The following WNK1 variants were observed in gnomAD, a reference collection of about 807,000 sequenced individuals.
WNK1 encodes the protein serine/threonine-protein kinase WNK1.
A neutral mutation model predicts 222.8 loss-of-function variants in WNK1; 38 were observed. That is an observed-to-expected ratio of 0.17 (90% CI 0.13 to 0.22). WNK1 has a LOEUF of 0.22. WNK1 is among the 10% of genes least tolerant of loss of function. The pLI, the probability that WNK1 is intolerant of heterozygous loss-of-function variation, is 1.00. For synonymous variants in WNK1, 1,090 were observed against 1,092.9 expected, an observed-to-expected ratio of 1.00 and a Z score of 0.05; for missense variants, 2,348 against 2,918.4, an observed-to-expected ratio of 0.80 and a Z score of 4.50.
At chr12:886,138 C>A in intron 19 of WNK1, 54 bp downstream of exon 19, 1 of 1,431,780 alleles carries the variant, frequency 7.0e-7, no homozygotes, top group South Asian at 1.3e-5. Context: ...TTTTTTCTCC[C>A]TAATGAGTAC....
Position 879,914 on chromosome 12 carries a change from G to A in WNK1, c.2715G>A (p.Gln905=), listed in dbSNP as rs1443243895. 5.0e-6 allele frequency: 8 copies of A among 1,613,944 alleles called. No individual in the cohort carries two copies. Among genetic ancestry groups the A allele is most frequent in the African/African-American group, 4.0e-5 (3 of 74,912 alleles). ...CAACCCTTCTGCAGCCTGTGACTCA[G>A]CTGCCAAGTCAGGTTCACCCACAGC... ...QLPTLLQPVT[Q]LPSQVHPQLL... is the part of the protein sequence containing the mutation. Residue 905 remains glutamine, a synonymous_variant, in exon 11 of 28, where the codon CAG becomes CAA. Coordinates refer to ENST00000315939, the MANE Select transcript of WNK1 (RefSeq NM_018979.4).
At chr12:872,799 C>T (rs1565557249) in intron 9 of WNK1, among the ~76,000 whole-genome samples, 1 of 152,178 alleles carries the variant, frequency 6.6e-6, no homozygotes, top group Non-Finnish European at 1.5e-5. Context: ...GGCCCTTTTT[C>T]AGTCCAACAT....
chr12:797,562 T>G (rs1337820556), intron 1 of WNK1, among the ~76,000 whole-genome samples: 1 of 152,206 alleles, frequency 6.6e-6, no homozygotes, highest in African/African-American at 2.4e-5. Context: ...GTATTCTACC[T>G]ATGCCATACT....
rs150797505 is a variant in WNK1, at chr12:797,704, C to G, written c.760-15938C>G. On this transcript the variant is annotated intron_variant, in intron 1 of 27. Coordinates refer to ENST00000315939, the MANE Select transcript of WNK1 (RefSeq NM_018979.4). ...CTCACACCTGTAATCCCAGCACTTTCGGAGGCCGAGGCAGGTGGATCACTG... is the reference window on the plus strand; with the variant it reads ...CTCACACCTGTAATCCCAGCACTTTGGGAGGCCGAGGCAGGTGGATCACTG... Among the ~76,000 whole-genome samples the G allele has an allele frequency of 6.0e-3, 907 of 151,990 alleles. 12 individuals are homozygous for G. The highest frequency in any genetic ancestry group is 0.021 in the African/African-American group (859 of 41,464).
At chr12:868,867 A>G in intron 8 of WNK1, 1 of 1,611,668 alleles carries the variant, frequency 6.2e-7, no homozygotes, top group Non-Finnish European at 8.5e-7. Context: ...TAGGAAGCCC[A>G]GAATATTCCA....
At chr12:824,095 C>A (rs1477545368) in intron 2 of WNK1, among the ~76,000 whole-genome samples, 1 of 151,772 alleles carries the variant, frequency 6.6e-6, no homozygotes, top group Non-Finnish European at 1.5e-5. Flanking sequence ...TTAGTAGACA[C>A]CATGTTTCGC....
At chr12:843,390 AATAAC>A (rs1949776692) in intron 4 of WNK1, among the ~76,000 whole-genome samples, 1 of 152,248 alleles carries the variant, frequency 6.6e-6, no homozygotes, top group Non-Finnish European at 1.5e-5. Flanking sequence ...AAAAATGATA[AATAAC>A]ATAAGCCCTG....
chr12:811,131 A>C (rs1049431116), intron 1 of WNK1, among the ~76,000 whole-genome samples: 1 of 152,228 alleles, frequency 6.6e-6, no homozygotes, highest in Non-Finnish European at 1.5e-5. Flanking sequence ...TCTAAAAAGC[A>C]ACAGTGGCTA....
At chr12:832,386 A>G (rs936651548) in intron 4 of WNK1, among the ~76,000 whole-genome samples, 2 of 152,196 alleles carry the variant, frequency 1.3e-5, no homozygotes, top group African/African-American at 4.8e-5. Context: ...TTAAAAACTG[A>G]TAGGAAACAT....
chr12:903,367 T>C (rs1473671607), intron 26 of WNK1, among the ~76,000 whole-genome samples: 3 of 152,144 alleles, frequency 2.0e-5, no homozygotes, highest in Non-Finnish European at 2.9e-5. Flanking sequence ...GGTCAGACTT[T>C]CCTGGACTGT....
intron 7 of WNK1, 103 bp from the exon 8 acceptor site, chr12:861,980 G>GT: frequency 7.8e-7 from 1 of 1,274,626 alleles, no homozygotes; most frequent in Admixed American, 1.8e-5. Flanking sequence ...GGAATAACTA[G>GT]TTACCCCTAA....
At chr12:781,110 A>G (rs1565419788) in intron 1 of WNK1, 1 of 52,486 alleles carries the variant, frequency 1.9e-5, no homozygotes, top group African/African-American at 4.1e-5. Context: ...TAACAACAAC[A>G]ACAACAACAA....
intron 1 of WNK1, among the ~76,000 whole-genome samples, chr12:779,692 G>A (rs1943498230): frequency 6.6e-6 from 1 of 152,090 alleles, no homozygotes; most frequent in South Asian, 2.1e-4. Context: ...GTGAGCCACC[G>A]CGCCTGGCTC....
intron 4 of WNK1, among the ~76,000 whole-genome samples, chr12:850,243 T>G (rs1309625719): frequency 2.0e-5 from 3 of 152,204 alleles, no homozygotes; most frequent in African/African-American, 4.8e-5. Context: ...TTTCCTGACT[T>G]TTTAATGATC....
intron 24 of WNK1, among the ~76,000 whole-genome samples, chr12:897,212 G>A (rs913135492): frequency 4.6e-5 from 7 of 152,146 alleles, no homozygotes; most frequent in Non-Finnish European, 8.8e-5. Context: ...CAGCTATTGT[G>A]TGCGTGGCCT....
At chr12:870,117 G>A (rs1952015157) in intron 8 of WNK1, among the ~76,000 whole-genome samples, 1 of 152,086 alleles carries the variant, frequency 6.6e-6, no homozygotes, top group Non-Finnish European at 1.5e-5. Context: ...ACTATGTGTT[G>A]TTCTTCCTAC....
chr12:849,674 A>G (rs967674642), intron 4 of WNK1, among the ~76,000 whole-genome samples: 3 of 151,996 alleles, frequency 2.0e-5, no homozygotes, highest in Admixed American at 1.3e-4. Context: ...CCATTAACTC[A>G]TCATTTAACA....
chr12:840,001 A>C (rs1215665626), intron 4 of WNK1, among the ~76,000 whole-genome samples: 8 of 150,922 alleles, frequency 5.3e-5, no homozygotes, highest in Non-Finnish European at 1.2e-4. Context: ...TGCTGGGATT[A>C]CAGGTGTGAG....
intron 1 of WNK1, among the ~76,000 whole-genome samples, chr12:805,732 CAA>C (rs1565455909): frequency 6.6e-6 from 1 of 152,022 alleles, no homozygotes; most frequent in Non-Finnish European, 1.5e-5. Flanking sequence ...AATTAATTAA[CAA>C]AATTAATGAT....
Sources: allele counts gnomAD v4.1 joint callset (sites outside exome capture counted in the v4.1 genomes callset), GRCh38; gene constraint gnomAD v4.1.1; transcripts MANE v1.5; gene names NCBI Gene and HGNC (gene_info 2026-07-23, HGNC 2026-07-21).